Variants in ADAMTSL1 observed in about 807,000 individuals in gnomAD.
ADAMTSL1 encodes ADAMTS like 1, also known as ADAMTS-like protein 1.
In ADAMTSL1, 126 loss-of-function variants were observed where a neutral mutation model predicts 201.8. The observed-to-expected ratio is 0.62, with a 90% CI of 0.54 to 0.72. The LOEUF (loss-of-function observed/expected upper bound fraction) is 0.72. Ranked by LOEUF, ADAMTSL1 falls within the 30% of genes least tolerant of loss-of-function variation. The pLI is 0.00. For missense variants in ADAMTSL1, 2,679 were observed against 2,277.8 expected (o/e 1.18, Z -3.59); for synonymous variants, 1,121 against 903.4 (o/e 1.24, Z -4.32).
At chr9:18,207,582 A>G (rs1358596874) in intron 2 of ADAMTSL1, among the ~76,000 whole-genome samples, 1 of 152,196 alleles carries the variant, frequency 6.6e-6, no homozygotes, top group African/African-American at 2.4e-5. Flanking sequence ...CTCCTACAAT[A>G]GAAGATAAGA....
intron 1 of ADAMTSL1, among the ~76,000 whole-genome samples, chr9:18,144,133 T>C (rs1040677058): frequency 2.0e-5 from 3 of 152,186 alleles, no homozygotes; most frequent in Non-Finnish European, 2.9e-5. Context: ...ATTTTGAAAG[T>C]GATGTTTCTA....
chr9:18,613,021 A>G (rs1016195712), intron 4 of ADAMTSL1, among the ~76,000 whole-genome samples: 3 of 152,200 alleles, frequency 2.0e-5, no homozygotes, highest in Non-Finnish European at 2.9e-5. Context: ...TTTATAAGAA[A>G]AAAACAATGC....
intron 16 of ADAMTSL1, among the ~76,000 whole-genome samples, chr9:18,764,859 C>G (rs1820272247): frequency 5.3e-5 from 8 of 152,172 alleles, no homozygotes. Flanking sequence ...GCTGTTTTAT[C>G]AACATGTTGT....
intron 1 of ADAMTSL1, among the ~76,000 whole-genome samples, chr9:18,042,055 AT>A (rs1821448007): frequency 6.6e-6 from 1 of 151,458 alleles, no homozygotes; most frequent in African/African-American, 2.4e-5. Flanking sequence ...AAGTGCCAAA[AT>A]TTCTACCCTT....
chr9:17,946,210 G>T (rs1827468414), intron 1 of ADAMTSL1, among the ~76,000 whole-genome samples: 1 of 151,152 alleles, frequency 6.6e-6, no homozygotes, highest in African/African-American at 2.4e-5. Flanking sequence ...TATTGCCCAG[G>T]CTGGTCTCAA....
chr9:18,811,366 A>G (rs1823498723), intron 20 of ADAMTSL1, among the ~76,000 whole-genome samples: 1 of 152,268 alleles, frequency 6.6e-6, no homozygotes, highest in South Asian at 2.1e-4. Context: ...TTCCCTCCCC[A>G]CTGGGGTGGT....
At chr9:18,145,171 G>GA (rs1482963359) in intron 1 of ADAMTSL1, among the ~76,000 whole-genome samples, 1 of 152,112 alleles carries the variant, frequency 6.6e-6, no homozygotes, top group Non-Finnish European at 1.5e-5. Flanking sequence ...GACTGTTGAG[G>GA]ATAGAAAACT....
chr9:18,028,739 T>C (rs1390214665), intron 1 of ADAMTSL1, among the ~76,000 whole-genome samples: 1 of 152,190 alleles, frequency 6.6e-6, no homozygotes, highest in Non-Finnish European at 1.5e-5. Context: ...GACTTGGCAA[T>C]GCGGGCTCTT....
chr9:18,369,245 C>G (rs1400456371), intron 2 of ADAMTSL1, among the ~76,000 whole-genome samples: 1 of 152,210 alleles, frequency 6.6e-6, no homozygotes, highest in Non-Finnish European at 1.5e-5. Flanking sequence ...TCACAGCTCT[C>G]TAGTTGTGAG....
At chr9:18,224,324 G>T (rs1214019239) in intron 2 of ADAMTSL1, among the ~76,000 whole-genome samples, 1 of 152,112 alleles carries the variant, frequency 6.6e-6, no homozygotes, top group African/African-American at 2.4e-5. Flanking sequence ...GAGGAGGGGA[G>T]TGCTGTGTCC....
At chr9:18,085,853 A>G (rs1823746260) in intron 1 of ADAMTSL1, among the ~76,000 whole-genome samples, 1 of 151,874 alleles carries the variant, frequency 6.6e-6, no homozygotes, top group Admixed American at 6.6e-5. Flanking sequence ...TGTTTGGAGA[A>G]GTGACTATAG....
At position 18,650,624 on chromosome 9, in the gene ADAMTSL1, G is replaced by C. The variant is rs927432035; in HGVS notation, c.835-7015G>C. ...CTTTTTAGTGCAAAAGGAAGATTTT[G>C]TGACAGTGAGCAATTGTTATATATT... On this transcript the variant is annotated intron_variant, in intron 7 of 28. Coordinates refer to ENST00000380548, the MANE Select transcript of ADAMTSL1 (RefSeq NM_001040272.6). Among the ~76,000 whole-genome samples the C allele has an allele frequency of 1.9e-4, 29 of 152,184 alleles. 1 individual carries two copies. The highest frequency in any genetic ancestry group is 5.8e-4 in the African/African-American group (24 of 41,442).
At chr9:18,000,217 A>G (rs1459911809) in intron 1 of ADAMTSL1, among the ~76,000 whole-genome samples, 2 of 151,460 alleles carry the variant, frequency 1.3e-5, no homozygotes, top group Non-Finnish European at 2.9e-5. Flanking sequence ...TTACAGTCCC[A>G]CCAACAGTGT....
At chr9:17,971,612 C>A (rs1384657904) in intron 1 of ADAMTSL1, among the ~76,000 whole-genome samples, 1 of 151,886 alleles carries the variant, frequency 6.6e-6, no homozygotes, top group Non-Finnish European at 1.5e-5. Flanking sequence ...GTAATTTTTT[C>A]CATGTCAACA....
rs112007831 is a variant in ADAMTSL1, at chr9:18,543,148, T to G, written c.237+9856T>G. ...TCAGAATTATATCCCAGGGGACAAA[T>G]CAGTATCCACCAAAAGAAGTCTAAC... is the stretch of plus-strand genomic sequence containing the variant. On this transcript the variant is annotated intron_variant, in intron 3 of 28. Coordinates refer to ENST00000380548, the MANE Select transcript of ADAMTSL1 (RefSeq NM_001040272.6). 1.2e-3 allele frequency among the ~76,000 whole-genome samples: 187 copies of G among 152,286 alleles called. 2 individuals carry two copies. Among genetic ancestry groups the G allele is most frequent in the African/African-American group, 4.1e-3 (169 of 41,562 alleles).
intron 1 of ADAMTSL1, among the ~76,000 whole-genome samples, chr9:18,153,150 C>A (rs1468330923): frequency 6.6e-6 from 1 of 152,016 alleles, no homozygotes; most frequent in Admixed American, 6.6e-5. Flanking sequence ...AGCTTGCAGT[C>A]AGCTATGATC....
In ADAMTSL1 at chr9:18,245,029, G is replaced by C. The variant is rs372292419; in HGVS notation, c.207+81048G>C. On this transcript the variant is annotated intron_variant, in intron 2 of 29. Coordinates refer to the ADAMTSL1 transcript ENST00000680146. ...GCATTTTATTTGAAGTGTCTGAAAT[G>C]GAGTTTGTATCTGACGAAGACCATC... 1.1e-4 allele frequency among the ~76,000 whole-genome samples: 16 copies of C among 152,276 alleles called. No homozygotes were observed. The East Asian group carries it at 2.5e-3, about 24-fold the overall frequency.
intron 2 of ADAMTSL1, among the ~76,000 whole-genome samples, chr9:18,428,552 C>G (rs1819337390): frequency 1.3e-5 from 2 of 151,854 alleles, no homozygotes; most frequent in Non-Finnish European, 2.9e-5. Context: ...TCCAGGAGTT[C>G]AAGGCTACAG....
chr9:18,656,579 G>A (rs1394740076), intron 7 of ADAMTSL1, among the ~76,000 whole-genome samples: 2 of 145,158 alleles, frequency 1.4e-5, no homozygotes, highest in East Asian at 2.0e-4. Flanking sequence ...CAGTGAGCCG[G>A]GATGGTGCCA....
Sources: allele counts gnomAD v4.1 joint callset (sites outside exome capture counted in the v4.1 genomes callset), GRCh38; gene constraint gnomAD v4.1.1; transcripts MANE v1.5; gene names NCBI Gene and HGNC (gene_info 2026-07-23, HGNC 2026-07-21).